Variants in ZFHX3 observed in about 807,000 individuals in gnomAD.
ZFHX3 encodes the protein zinc finger homeobox protein 3.
ZFHX3 carries 42 observed loss-of-function variants against 279.1 expected under a neutral mutation model. The observed-to-expected ratio is 0.15, with a 90% CI of 0.12 to 0.19. The LOEUF (loss-of-function observed/expected upper bound fraction) is 0.19. ZFHX3 is among the 10% of genes least tolerant of loss of function. The pLI is 1.00. For missense variants in ZFHX3, 4,981 were observed against 4,754.0 expected, an observed-to-expected ratio of 1.05 and a Z score of -1.40; for synonymous variants, 2,293 against 1,957.8, an observed-to-expected ratio of 1.17 and a Z score of -4.52.
chr16:73,441,465 CCAAT>C (rs1165778157), intron 3 of ZFHX3, among the ~76,000 whole-genome samples: 1 of 152,136 alleles, frequency 6.6e-6, no homozygotes, highest in African/African-American at 2.4e-5. Context: ...ATCCAGCCAA[CCAAT>C]CAATCAACAG....
intron 1 of ZFHX3, among the ~76,000 whole-genome samples, chr16:73,883,114 T>C (rs925164959): frequency 2.0e-5 from 3 of 152,108 alleles, no homozygotes; most frequent in African/African-American, 7.2e-5. Context: ...GGTTTTTTGG[T>C]TGTTGTTTTT....
intron 4 of ZFHX3, among the ~76,000 whole-genome samples, chr16:73,306,553 C>T (rs1003693529): frequency 1.3e-4 from 20 of 152,174 alleles, no homozygotes; most frequent in South Asian, 4.1e-4. Context: ...AAACTTCTGA[C>T]CTCAAATGAT....
chr16:73,306,291 T>C (rs2015178376), intron 4 of ZFHX3, among the ~76,000 whole-genome samples: 2 of 152,220 alleles, frequency 1.3e-5, no homozygotes, highest in South Asian at 4.1e-4. Context: ...TTGTGGTGAT[T>C]TGAATATCTG....
At chr16:73,085,750 A>G (rs1966003899) in intron 8 of ZFHX3, among the ~76,000 whole-genome samples, 2 of 152,164 alleles carry the variant, frequency 1.3e-5, no homozygotes, top group African/African-American at 4.8e-5. Context: ...TTAGGGAAAC[A>G]CTTCAGGACA....
Position 72,811,657 on chromosome 16 carries a change from T to A in ZFHX3, c.3784A>T (p.Asn1262Tyr). ...TGCAGCTGGAGGTGGATCTTGTTGT[T>A]GAGCATGTCCTGGCACAGGGGGCAG... is the stretch of plus-strand genomic sequence containing the variant. The part of the protein sequence containing the change: ...LRCPLCQDML[N>Y]NKIHLQLHLT... The change falls in exon 7 of 10, where the codon AAC becomes TAC. Residue 1262 changes from asparagine to tyrosine, a missense_variant. Transcript: ENST00000268489. 1.9e-6 allele frequency: 3 copies of A among 1,613,922 alleles called. No homozygotes were observed. Among genetic ancestry groups the A allele is most frequent in the Non-Finnish European group, 2.5e-6 (3 of 1,179,932 alleles).
intron 6 of ZFHX3, among the ~76,000 whole-genome samples, chr16:73,136,725 C>CAAAAAA (rs397855836): frequency 2.4e-4 from 10 of 41,634 alleles, no homozygotes; most frequent in Admixed American, 3.9e-4. Context: ...GACTCTGCCT[C>CAAAAAA]AAAAAAAAAA....
Position 72,927,917 on chromosome 16 carries a change from C to A in ZFHX3, c.3216+22552G>T, listed in dbSNP as rs183761872. Among the ~76,000 whole-genome samples, 25 of 151,124 alleles carry A rather than the reference C, an allele frequency of 1.7e-4. 1 individual carries two copies. The highest frequency in any genetic ancestry group is 1.6e-3 in the Admixed American group (24 of 15,158). ...GCTGACAATTTATAGAGTCAATCCA[C>A]GGAAGGTGGGGAGGACTAAGACTCA... On this transcript the variant is annotated intron_variant, in intron 3 of 9. Transcript: ENST00000268489.
chr16:73,760,644 T>C (rs190721203), intron 1 of ZFHX3, among the ~76,000 whole-genome samples: 1 of 152,336 alleles, frequency 6.6e-6, no homozygotes, highest in East Asian at 1.9e-4. Context: ...GTTGGCTTGA[T>C]TGCCGGGATG....
At chr16:73,003,828 G>A (rs116311941) in intron 1 of ZFHX3, among the ~76,000 whole-genome samples, 4,175 of 151,928 alleles carry the variant, frequency 0.027, 105 homozygotes, top group African/African-American at 0.066. Context: ...AGGAATTCAC[G>A]GGGGGAAAAG....
chr16:73,236,442 T>C (rs1177535738), intron 5 of ZFHX3, among the ~76,000 whole-genome samples: 1 of 152,108 alleles, frequency 6.6e-6, no homozygotes, highest in Non-Finnish European at 1.5e-5. Flanking sequence ...TACAAAGAAT[T>C]AGCCAGGCCT....
At chr16:73,006,018 A>G (rs946863343) in intron 1 of ZFHX3, 1 of 152,202 alleles carries the variant, frequency 6.6e-6, no homozygotes, top group African/African-American at 2.4e-5. Context: ...GAACTCCTTA[A>G]TTAAATTTAA....
chr16:73,359,505 C>A (rs2016400579), intron 3 of ZFHX3, among the ~76,000 whole-genome samples: 1 of 152,158 alleles, frequency 6.6e-6, no homozygotes, highest in African/African-American at 2.4e-5. Context: ...GTGCTGCAAA[C>A]AGGAGAGTTT....
At chr16:72,891,254 C>T (rs1173862622) in intron 3 of ZFHX3, among the ~76,000 whole-genome samples, 5 of 152,256 alleles carry the variant, frequency 3.3e-5, no homozygotes, top group South Asian at 2.1e-4. Flanking sequence ...CTCTGTTGTA[C>T]TTAGTAGACA....
intron 2 of ZFHX3, among the ~76,000 whole-genome samples, chr16:73,492,564 A>G (rs2019072335): frequency 1.3e-5 from 2 of 152,212 alleles, no homozygotes; most frequent in African/African-American, 2.4e-5. Context: ...GTCTTCCTGC[A>G]TAACGCATGG....
chr16:73,487,422 TGGCAGAGTCTCGATC>T, intron 2 of ZFHX3: 1 of 435,694 alleles, frequency 2.3e-6, no homozygotes, highest in Non-Finnish European at 4.6e-6. Context: ...TTTTTTTTTT[TGGCAGAGTCTCGATC>T]TGTTGCCCAG....
rs563717920 is a variant in ZFHX3, at chr16:72,804,534, C to T, written c.3865-4405G>A. On this transcript the variant is annotated intron_variant, in intron 7 of 9. Coordinates refer to ENST00000268489, the MANE Select transcript of ZFHX3 (RefSeq NM_006885.4). ...GCCCTTGATCTACTAGGAGAGGTAA[C>T]ATATAGGTTCATAAATACATAGTTC... Among the ~76,000 whole-genome samples the T allele has an allele frequency of 1.1e-4, 16 of 151,964 alleles. No individual in the cohort carries two copies. The South Asian group carries it at 3.1e-3, about 30-fold the overall frequency.
At chr16:73,181,471 T>C (rs1967795477) in intron 5 of ZFHX3, among the ~76,000 whole-genome samples, 1 of 152,130 alleles carries the variant, frequency 6.6e-6, no homozygotes, top group Non-Finnish European at 1.5e-5. Flanking sequence ...CCCAAACCAC[T>C]GTATCCTGAT....
chr16:73,624,413 C>T (rs769949908), intron 2 of ZFHX3, among the ~76,000 whole-genome samples: 3 of 151,944 alleles, frequency 2.0e-5, no homozygotes, highest in Non-Finnish European at 2.9e-5. Flanking sequence ...TAAGGAGAGA[C>T]GCAGCTGTCA....
At position 73,057,846 on chromosome 16, in the gene ZFHX3, G is replaced by A. The variant is rs574352916; in HGVS notation, c.-24+684C>T. Among the ~76,000 whole-genome samples, 450 of 150,454 alleles carry A rather than the reference G, an allele frequency of 3.0e-3. 2 individuals carry two copies. Among genetic ancestry groups the A allele is most frequent in the Non-Finnish European group, 3.7e-3 (252 of 67,582 alleles). ...CGGCAAGTCGAGCCCCAGCGCGGAA[G>A]GCGCTCGCCCGGCCAGCGGTGGCGG... On this transcript the variant is annotated intron_variant, in intron 1 of 8. Coordinates refer to the ZFHX3 transcript ENST00000397992.
Sources: gnomAD v4.1 joint callset for allele counts (sites outside exome capture counted in the v4.1 genomes callset) on GRCh38, gnomAD v4.1.1 for gene constraint, MANE v1.5 for transcripts, NCBI Gene and HGNC (gene_info 2026-07-23, HGNC 2026-07-21) for gene names.